CLIC4: variants seen among roughly 807,000 people sequenced by gnomAD.
CLIC4 encodes the protein chloride intracellular channel protein 4.
A neutral mutation model predicts 24.6 loss-of-function variants in CLIC4; 13 were observed. That is an observed-to-expected ratio of 0.53 (90% CI 0.34 to 0.84). The LOEUF is 0.84. Ranked by LOEUF, CLIC4 falls within the 40% of genes least tolerant of loss-of-function variation. CLIC4 has a pLI of 0.01. For missense variants in CLIC4, 227 were observed against 301.7 expected (o/e 0.75, Z 1.83); for synonymous variants, 104 against 111.3 (o/e 0.93, Z 0.41).
chr1:24,763,879 T>A (rs1036213744), intron 1 of CLIC4, among the ~76,000 whole-genome samples: 1 of 152,246 alleles, frequency 6.6e-6, no homozygotes, highest in Admixed American at 6.5e-5. Flanking sequence ...GTATGTCTTA[T>A]CTTTGCTATA....
chr1:24,754,661 G>A (rs1255502061), intron 1 of CLIC4, among the ~76,000 whole-genome samples: 1 of 152,104 alleles, frequency 6.6e-6, no homozygotes, highest in Non-Finnish European at 1.5e-5. Flanking sequence ...ACATGTAAAT[G>A]TAATTTAGGG....
chr1:24,751,178 C>CT (rs560738278), intron 1 of CLIC4, among the ~76,000 whole-genome samples: 5 of 148,516 alleles, frequency 3.4e-5, no homozygotes, highest in South Asian at 2.2e-4. Context: ...GTACTCACCT[C>CT]TTTTTTTTCT....
rs1246929606 is a variant in CLIC4 at position 24,770,507 on chromosome 1, T to C, written c.72+24882T>C. Among the ~76,000 whole-genome samples, 6 of 152,302 alleles carry C rather than the reference T, an allele frequency of 3.9e-5. No homozygotes were observed. The East Asian group carries it at 1.2e-3, about 29-fold the overall frequency. ...TGTTTTTTCCCCCCTTGCTTTTGGC[T>C]CACTTACCAAACTGATTAGTCTTAT... On this transcript the variant is annotated intron_variant, in intron 1 of 5. Coordinates refer to ENST00000374379, the MANE Select transcript of CLIC4 (RefSeq NM_013943.3).
intron 3 of CLIC4, among the ~76,000 whole-genome samples, chr1:24,817,561 C>CA (rs1639684145): frequency 6.6e-6 from 1 of 152,198 alleles, no homozygotes; most frequent in Non-Finnish European, 1.5e-5. Context: ...CTGGACCACT[C>CA]AAACTTTCTC....
chr1:24,755,771 A>G (rs986902019), intron 1 of CLIC4, among the ~76,000 whole-genome samples: 35 of 152,070 alleles, frequency 2.3e-4, no homozygotes, highest in South Asian at 8.3e-4. Flanking sequence ...AGTGCAGATA[A>G]ATAAGACTGT....
chr1:24,795,098 G>A (rs1639383177), intron 1 of CLIC4, among the ~76,000 whole-genome samples: 1 of 152,062 alleles, frequency 6.6e-6, no homozygotes, highest in Non-Finnish European at 1.5e-5. Context: ...TTGTACCTGG[G>A]TGATGAAATA....
chr1:24,824,415 C>T (rs1639766575), intron 3 of CLIC4, among the ~76,000 whole-genome samples: 2 of 152,066 alleles, frequency 1.3e-5, no homozygotes, highest in Admixed American at 1.3e-4. Flanking sequence ...TTACAGGCAC[C>T]CGCTACCATG....
chr1:24,810,791 A>T (rs1639604948), intron 2 of CLIC4, among the ~76,000 whole-genome samples: 2 of 151,936 alleles, frequency 1.3e-5, no homozygotes, highest in Admixed American at 1.3e-4. Flanking sequence ...AAATTTTAAA[A>T]ATGTTTATTT....
At chr1:24,765,986 A>G (rs1033025179) in intron 1 of CLIC4, among the ~76,000 whole-genome samples, 1 of 150,824 alleles carries the variant, frequency 6.6e-6, no homozygotes, top group African/African-American at 2.4e-5. Flanking sequence ...TAATTTTTAA[A>G]ATTTGTTTAA....
chr1:24,829,317 G>A (rs1190563259), intron 4 of CLIC4, among the ~76,000 whole-genome samples: 1 of 152,164 alleles, frequency 6.6e-6, no homozygotes. Context: ...GAAATAGAAG[G>A]GCTAGTGGTT....
At chr1:24,758,070 T>G (rs969562724) in intron 1 of CLIC4, among the ~76,000 whole-genome samples, 1 of 152,166 alleles carries the variant, frequency 6.6e-6, no homozygotes, top group African/African-American at 2.4e-5. Context: ...TATTTAGCCT[T>G]TCTCTGTTTT....
chr1:24,769,669 A>T (rs1428359010), intron 1 of CLIC4, among the ~76,000 whole-genome samples: 2 of 152,162 alleles, frequency 1.3e-5, no homozygotes, highest in Admixed American at 6.5e-5. Flanking sequence ...TTTCTAAAAC[A>T]TACTAACAAC....
At chr1:24,823,475 T>A (rs1639754698) in intron 3 of CLIC4, among the ~76,000 whole-genome samples, 1 of 152,148 alleles carries the variant, frequency 6.6e-6, no homozygotes, top group African/African-American at 2.4e-5. Context: ...TAAACCTTTT[T>A]TAAAAATGAG....
intron 1 of CLIC4, among the ~76,000 whole-genome samples, chr1:24,752,163 T>C (rs1267052269): frequency 6.6e-6 from 1 of 152,168 alleles, no homozygotes; most frequent in African/African-American, 2.4e-5. Flanking sequence ...GTTTTTAAGC[T>C]CTCAGTGCTT....
intron 1 of CLIC4, among the ~76,000 whole-genome samples, chr1:24,751,539 T>A (rs958277186): frequency 2.6e-5 from 4 of 152,128 alleles, no homozygotes; most frequent in African/African-American, 9.7e-5. Flanking sequence ...TGCCAGTCTT[T>A]TATATATTTA....
chr1:24,754,085 C>A (rs2124080565), intron 1 of CLIC4, among the ~76,000 whole-genome samples: 1 of 152,232 alleles, frequency 6.6e-6, no homozygotes, highest in East Asian at 1.9e-4. Context: ...TTAATGAAAA[C>A]CTATTATTTT....
intron 1 of CLIC4, among the ~76,000 whole-genome samples, chr1:24,792,769 T>C (rs1032677626): frequency 6.6e-6 from 1 of 152,190 alleles, no homozygotes; most frequent in Non-Finnish European, 1.5e-5. Context: ...CAAAAGTAAA[T>C]TGAGAAAATT....
chr1:24,774,891 T>G (rs965535056), intron 1 of CLIC4, among the ~76,000 whole-genome samples: 1 of 152,124 alleles, frequency 6.6e-6, no homozygotes, highest in African/African-American at 2.4e-5. Flanking sequence ...GCCAACATGG[T>G]GAAAACCTGA....
intron 1 of CLIC4, among the ~76,000 whole-genome samples, chr1:24,765,456 C>T (rs995989160): frequency 2.0e-5 from 3 of 152,080 alleles, no homozygotes; most frequent in South Asian, 2.1e-4. Context: ...AGAAATAGGT[C>T]GAGAGGGTGA....
Sources: gnomAD v4.1 joint callset for allele counts (sites outside exome capture counted in the v4.1 genomes callset) on GRCh38, gnomAD v4.1.1 for gene constraint, MANE v1.5 for transcripts, NCBI Gene and HGNC (gene_info 2026-07-23, HGNC 2026-07-21) for gene names.